GRIK4: variants seen among roughly 807,000 people sequenced by gnomAD.
The protein encoded by GRIK4 is glutamate ionotropic receptor kainate type subunit 4.
Under a neutral mutation model 104.9 loss-of-function variants are expected in GRIK4, and 40 were observed. That is an observed-to-expected ratio of 0.38 (90% CI 0.30 to 0.50). GRIK4 has a LOEUF of 0.50. GRIK4 is among the 20% of genes least tolerant of loss of function. The probability of loss-of-function intolerance (pLI) is 0.93; values close to 1 mark genes in which losing one functional copy is unlikely to be tolerated. For missense variants in GRIK4, 1,047 were observed against 1,308.1 expected (o/e 0.80, Z 3.08); for synonymous variants, 485 against 524.9 (o/e 0.92, Z 1.04).
intron 1 of GRIK4, among the ~76,000 whole-genome samples, chr11:120,623,807 T>A (rs7127199): frequency 6.6e-6 from 1 of 152,032 alleles, no homozygotes; most frequent in Non-Finnish European, 1.5e-5. Context: ...TCCTCCATGG[T>A]GGCAGGATGG....
At chr11:120,932,968 G>A (rs1487656732) in intron 13 of GRIK4, among the ~76,000 whole-genome samples, 3 of 152,224 alleles carry the variant, frequency 2.0e-5, no homozygotes, top group African/African-American at 7.2e-5. Context: ...GGGAGCTGGA[G>A]AGGCCATTTA....
In GRIK4 at chr11:120,850,362, A is replaced by G. The variant is rs117474073; in HGVS notation, c.745-11597A>G. ...TGGGGGTCATCTTAGAATCCTGCCTACCACACATGCCAACTGTGTAAATTA... is the reference window on the plus strand; with the variant it reads ...TGGGGGTCATCTTAGAATCCTGCCTGCCACACATGCCAACTGTGTAAATTA... On this transcript the variant is annotated intron_variant, in intron 8 of 20. Transcript: ENST00000527524. 9.7e-3 allele frequency among the ~76,000 whole-genome samples: 1,474 copies of G among 151,916 alleles called. 14 individuals are homozygous for G. The highest frequency in any genetic ancestry group is 0.013 in the Non-Finnish European group (914 of 67,894).
At chr11:120,598,998 G>A (rs888764912) in intron 1 of GRIK4, among the ~76,000 whole-genome samples, 1 of 152,228 alleles carries the variant, frequency 6.6e-6, no homozygotes, top group African/African-American at 2.4e-5. Flanking sequence ...CTGCAGGAAC[G>A]AGGAAGGCTT....
At position 120,511,828 on chromosome 11, in the gene GRIK4, C is replaced by T. The variant is rs1947658391; in HGVS notation, c.-218C>T. 2.8e-6 allele frequency: 1 copy of T among 358,322 alleles called. No homozygotes were observed. Among genetic ancestry groups the T allele is most frequent in the Non-Finnish European group, 5.7e-6 (1 of 176,500 alleles). 22.2% of individuals were successfully genotyped at this position (358,322 alleles called of 1,614,324 possible). On this transcript the variant is annotated 5_prime_UTR_variant, in exon 1 of 21. Transcript: ENST00000527524. The stretch of plus-strand genomic sequence containing the variant: ...GAGGAAAAACGGCCAACAGCAGCCC[C>T]GCGGCCGGCCCGGCAGCGCCCGGCC...
rs182180916 is a variant in GRIK4 at position 120,935,016 on chromosome 11, C to T, written c.1477-5331C>T. Among the ~76,000 whole-genome samples, 27 of 152,300 alleles carry T rather than the reference C, an allele frequency of 1.8e-4. No individual in the cohort carries two copies. In the East Asian group the frequency reaches 4.1e-3, roughly 23 times the overall value. ...CCTGCTAGCTGCTGCTCTTCACTGA[C>T]GAGTCTGGTCATCAGTTTCCTCCTC... On this transcript the variant is annotated intron_variant, in intron 13 of 20. Coordinates refer to ENST00000527524, the MANE Select transcript of GRIK4 (RefSeq NM_014619.5).
At chr11:120,525,515 T>C (rs918552763) in intron 1 of GRIK4, among the ~76,000 whole-genome samples, 1 of 152,114 alleles carries the variant, frequency 6.6e-6, no homozygotes, top group Non-Finnish European at 1.5e-5. Flanking sequence ...AGCCCTGTCC[T>C]CTGGGTGTTG....
In GRIK4 at chr11:120,819,036, G is replaced by A. The variant is rs529928352; in HGVS notation, c.346-719G>A. Among the ~76,000 whole-genome samples the A allele has an allele frequency of 6.6e-6, 1 of 152,344 alleles. No individual in the cohort carries two copies. Among genetic ancestry groups the A allele is most frequent in the Admixed American group, 6.5e-5 (1 of 15,312 alleles). ...TTTCCTGGGAGAAGAGAGGCAGAAG[G>A]CAGGACAGTGGGTCCTGGAAATGTC... On this transcript the variant is annotated intron_variant, in intron 5 of 20. Transcript: ENST00000527524. This position sits in a 1 kb window ranked among gnomAD's most constrained non-coding sequence, Gnocchi z 4.3.
chr11:120,926,627 C>T (rs1434241503), intron 13 of GRIK4, among the ~76,000 whole-genome samples: 1 of 152,194 alleles, frequency 6.6e-6, no homozygotes, highest in Non-Finnish European at 1.5e-5. Context: ...AAATCGTTCC[C>T]TCAGTTGAGA....
intron 1 of GRIK4, among the ~76,000 whole-genome samples, chr11:120,546,603 G>A (rs535757101): frequency 4.6e-5 from 7 of 152,284 alleles, no homozygotes; most frequent in Admixed American, 3.9e-4. Flanking sequence ...ATATCCCCAT[G>A]GGAGTCTTGC....
At chr11:120,765,155 C>A (rs976777677) in intron 3 of GRIK4, among the ~76,000 whole-genome samples, 1 of 151,912 alleles carries the variant, frequency 6.6e-6, no homozygotes, top group Non-Finnish European at 1.5e-5. Context: ...TTGTTCATTC[C>A]TTTTCATTCT....
chr11:120,768,568 C>G (rs1026298037), intron 3 of GRIK4, among the ~76,000 whole-genome samples: 3 of 152,196 alleles, frequency 2.0e-5, no homozygotes, highest in Admixed American at 6.5e-5. Flanking sequence ...AGCACTAGTA[C>G]TTTTCATACT....
chr11:120,667,882 C>T (rs190049908), intron 3 of GRIK4, among the ~76,000 whole-genome samples: 3 of 152,326 alleles, frequency 2.0e-5, no homozygotes, highest in Non-Finnish European at 4.4e-5. Flanking sequence ...GTCTAATGCT[C>T]AACCCTGACT....
At chr11:120,537,071 G>A (rs780237765) in intron 1 of GRIK4, among the ~76,000 whole-genome samples, 13 of 152,210 alleles carry the variant, frequency 8.5e-5, no homozygotes, top group South Asian at 2.1e-4. Context: ...AAGAGAGCTG[G>A]CAAGAGGGCA....
chr11:120,667,970 C>T (rs1339100661), intron 3 of GRIK4, among the ~76,000 whole-genome samples: 1 of 152,144 alleles, frequency 6.6e-6, no homozygotes, highest in Non-Finnish European at 1.5e-5. Flanking sequence ...GTAGTCCCAG[C>T]TACTTGGGAG....
chr11:120,732,087 A>G (rs920511210), intron 3 of GRIK4, among the ~76,000 whole-genome samples: 5 of 151,118 alleles, frequency 3.3e-5, no homozygotes, highest in Non-Finnish European at 5.9e-5. Flanking sequence ...TTTTGGGTTC[A>G]GTTTGCTCTT....
At chr11:120,702,547 G>C (rs535594064) in intron 3 of GRIK4, among the ~76,000 whole-genome samples, 1 of 152,180 alleles carries the variant, frequency 6.6e-6, no homozygotes, top group Non-Finnish European at 1.5e-5. Flanking sequence ...CAAGGACAGA[G>C]CTCGGGGGTG....
At chr11:120,642,806 T>C (rs1949487359) in intron 1 of GRIK4, among the ~76,000 whole-genome samples, 1 of 152,202 alleles carries the variant, frequency 6.6e-6, no homozygotes, top group African/African-American at 2.4e-5. Flanking sequence ...CTGTTTGCTG[T>C]CAGAACATTG....
At chr11:120,843,039 G>A (rs1345876301) in intron 8 of GRIK4, among the ~76,000 whole-genome samples, 1 of 152,260 alleles carries the variant, frequency 6.6e-6, no homozygotes, top group Admixed American at 6.5e-5. Flanking sequence ...TGTGCCTATG[G>A]CAGGAGCTGC....
At chr11:120,958,163 G>A (rs961239181) in intron 16 of GRIK4, among the ~76,000 whole-genome samples, 20 of 152,338 alleles carry the variant, frequency 1.3e-4, no homozygotes, top group Non-Finnish European at 2.8e-4. Context: ...CTTCTGGAGA[G>A]TGCCTGCTCC....
Sources: allele counts gnomAD v4.1 joint callset (sites outside exome capture counted in the v4.1 genomes callset), GRCh38; gene constraint gnomAD v4.1.1; non-coding constraint Gnocchi (gnomAD v3.1); transcripts MANE v1.5; gene names NCBI Gene and HGNC (gene_info 2026-07-23, HGNC 2026-07-21).